Variants in UGT2A1 observed in about 807,000 individuals in gnomAD.
UGT2A1 encodes the protein UDP glucuronosyltransferase family 2 member A1 complex locus.
Under a neutral mutation model 45.4 loss-of-function variants are expected in UGT2A1, and 61 were observed. That is an observed-to-expected ratio of 1.34 (90% CI 1.09 to 1.66). The LOEUF (loss-of-function observed/expected upper bound fraction) is 1.66. UGT2A1 is among the 40% of genes most tolerant of loss of function. The probability of loss-of-function intolerance (pLI) is 0.00; values close to 1 mark genes in which losing one functional copy is unlikely to be tolerated. For synonymous variants in UGT2A1, 229 were observed against 196.2 expected (o/e 1.17, Z -1.40); for missense variants, 649 against 574.3 (o/e 1.13, Z -1.33).
At chr4:69,613,275 C>T (rs796390320) in intron 3 of UGT2A1, among the ~76,000 whole-genome samples, 7 of 151,892 alleles carry the variant, frequency 4.6e-5, no homozygotes, top group African/African-American at 1.4e-4. Flanking sequence ...GCCCATAAGA[C>T]TGAAGTGTGA....
At chr4:69,617,167 A>G (rs980093567) in intron 3 of UGT2A1, among the ~76,000 whole-genome samples, 2 of 151,968 alleles carry the variant, frequency 1.3e-5, no homozygotes, top group African/African-American at 2.4e-5. Flanking sequence ...TTTCAAAACT[A>G]TAAAACAAAA....
chr4:69,648,174 T>A (rs56870015), intron 1 of UGT2A1, among the ~76,000 whole-genome samples: 1 of 149,536 alleles, frequency 6.7e-6, no homozygotes, highest in Non-Finnish European at 1.5e-5. Context: ...ATAATATGTA[T>A]AAATATATTA....
At chr4:69,607,367 T>C (rs369195494) in intron 3 of UGT2A1, among the ~76,000 whole-genome samples, 36,509 of 148,892 alleles carry the variant, frequency 0.25, 4,879 homozygotes, top group African/African-American at 0.35. Context: ...GCTAGCCATA[T>C]GTAGAAAGCT....
chr4:69,603,655 G>C (rs1341709171), intron 3 of UGT2A1: 1 of 135,764 alleles, frequency 7.4e-6, no homozygotes, highest in East Asian at 2.1e-4. Context: ...TGGCAAAGAG[G>C]TTAAAAACCT....
At chr4:69,597,438 A>G (rs982419863) in intron 4 of UGT2A1, among the ~76,000 whole-genome samples, 2 of 152,154 alleles carry the variant, frequency 1.3e-5, no homozygotes, top group African/African-American at 2.4e-5. Context: ...TGACACTGCA[A>G]AATCTGAGAT....
chr4:69,596,451 T>C, intron 4 of UGT2A1: 1 of 1,406,350 alleles, frequency 7.1e-7, no homozygotes, highest in Non-Finnish European at 9.4e-7. Context: ...ACTTACACAT[T>C]TAAGTAGGTA....
chr4:69,594,518 C>A lies in UGT2A1; in HGVS notation c.1263G>T (p.Val421=). Residue 421 remains valine (V), a synonymous_variant, in exon 6 of 7, where the codon GTG becomes GTT. Coordinates refer to ENST00000286604, the MANE Select transcript of UGT2A1 (RefSeq NM_001252275.3). Reference sequence around the variant, plus strand: ...CTGTTCTCAAAGCGCTAAGCAAATCCACACTTGTCATTGTGTTTAGGTTCA... The same window carrying A: ...CTGTTCTCAAAGCGCTAAGCAAATCAACACTTGTCATTGTGTTTAGGTTCA... ...VEVNLNTMTS[V]DLLSALRTVI... is the part of the protein sequence containing the mutation. The A allele has an allele frequency of 6.2e-7, 1 of 1,614,118 alleles. No homozygotes were observed. Among genetic ancestry groups the A allele is most frequent in the Non-Finnish European group, 8.5e-7 (1 of 1,180,008 alleles).
intron 2 of UGT2A1, among the ~76,000 whole-genome samples, chr4:69,642,331 G>C (rs996681757): frequency 1.3e-5 from 2 of 151,456 alleles, no homozygotes; most frequent in African/African-American, 4.8e-5. Context: ...AAAAGGGAAT[G>C]ATACTAGAAG....
intron 2 of UGT2A1, 146 bp downstream of exon 2, chr4:69,646,784 T>A: frequency 5.5e-6 from 3 of 545,712 alleles, no homozygotes; most frequent in Non-Finnish European, 9.1e-6. Flanking sequence ...ATGTCTTTTA[T>A]CTTCTTTTCT....
intron 4 of UGT2A1, 142 bp downstream of exon 4, chr4:69,599,104 C>G: frequency 8.0e-7 from 1 of 1,252,646 alleles, no homozygotes; most frequent in East Asian, 2.6e-5. Context: ...TTGTAGGAGA[C>G]CTCTATCACA....
At position 69,614,929 on chromosome 4, in the gene UGT2A1, G is replaced by A. The variant is rs563156414; in HGVS notation, c.848-15535C>T. ...CAGACAACTTACAATTGTGGTGGAA[G>A]GGCAATGGGGAAGCAAGCACATCTT... On this transcript the variant is annotated intron_variant, in intron 3 of 6. Coordinates refer to ENST00000286604, the MANE Select transcript of UGT2A1 (RefSeq NM_001252275.3). Among the ~76,000 whole-genome samples the A allele has an allele frequency of 9.2e-5, 14 of 152,144 alleles. No individual in the cohort carries two copies. In the South Asian group the frequency reaches 2.9e-3, roughly 32 times the overall value.
chr4:69,607,049 A>G (rs1377498227), intron 3 of UGT2A1, among the ~76,000 whole-genome samples: 2 of 119,554 alleles, frequency 1.7e-5, no homozygotes, highest in African/African-American at 3.5e-5. Context: ...GACTTTCTTC[A>G]CAGAATTGGA....
intron 2 of UGT2A1, among the ~76,000 whole-genome samples, chr4:69,646,591 G>A (rs577330110): frequency 2.6e-5 from 4 of 151,672 alleles, no homozygotes; most frequent in Non-Finnish European, 5.9e-5. Flanking sequence ...AACATTTTCC[G>A]GCTTTCTCCA....
At chr4:69,648,994 A>G (rs1722402980) in intron 1 of UGT2A1, among the ~76,000 whole-genome samples, 1 of 152,088 alleles carries the variant, frequency 6.6e-6, no homozygotes, top group Non-Finnish European at 1.5e-5. Flanking sequence ...AACACAATAC[A>G]AAATTGTGTA....
chr4:69,601,565 C>G (rs1719297371), intron 3 of UGT2A1, among the ~76,000 whole-genome samples: 1 of 152,148 alleles, frequency 6.6e-6, no homozygotes. Flanking sequence ...ATGACCTCAG[C>G]TATCACTATT....
chr4:69,603,065 T>A (rs112985806), intron 3 of UGT2A1, among the ~76,000 whole-genome samples: 3 of 133,678 alleles, frequency 2.2e-5, no homozygotes, highest in Non-Finnish European at 4.7e-5. Context: ...AGACTCCATC[T>A]AAAAAAAATA....
intron 2 of UGT2A1, among the ~76,000 whole-genome samples, chr4:69,638,281 A>C (rs1284874544): frequency 6.6e-6 from 1 of 152,136 alleles, no homozygotes; most frequent in East Asian, 1.9e-4. Context: ...TAATATAAAC[A>C]ACCAATCAGG....
rs1458283285 is a variant in UGT2A1 at position 69,589,604 on chromosome 4, G to T, written c.1352C>A (p.Pro451His). 2 of 1,613,850 alleles carry T rather than the reference G, an allele frequency of 1.2e-6. No individual in the cohort carries two copies. The highest frequency in any genetic ancestry group is 1.1e-5 in the South Asian group (1 of 91,068). The change falls in exon 7 of 7, where the codon CCT (proline) becomes CAT (histidine). Residue 451 changes from proline (P) to histidine (H), a missense_variant. Pro to His is a moderately conservative substitution (Grantham distance 77, BLOSUM62 -2). Coordinates refer to ENST00000286604, the MANE Select transcript of UGT2A1 (RefSeq NM_001252275.3). ...MRLSRIHHDQ[P>H]VKPLDRAVFW... ...GACTGCTCGATCCAGGGGCTTTACA[G>T]GTTGATCATGGTGAATTCTTGATAA...
intron 3 of UGT2A1, among the ~76,000 whole-genome samples, chr4:69,630,703 C>T (rs1183995932): frequency 6.6e-6 from 1 of 151,978 alleles, no homozygotes; most frequent in African/African-American, 2.4e-5. Flanking sequence ...AGCCAAGATG[C>T]CAAGGATGTA....
Sources: allele counts gnomAD v4.1 joint callset (sites outside exome capture counted in the v4.1 genomes callset), GRCh38; gene constraint gnomAD v4.1.1; transcripts MANE v1.5; gene names NCBI Gene and HGNC (gene_info 2026-07-23, HGNC 2026-07-21).